Variants in SND1 observed in about 807,000 individuals in gnomAD.
SND1 encodes the protein staphylococcal nuclease domain-containing protein 1.
A neutral mutation model predicts 121.7 loss-of-function variants in SND1; 38 were observed. The ratio of observed to expected loss-of-function variants is 0.31; its 90% CI spans 0.24 to 0.41. The LOEUF is 0.41. Among genes scored for constraint, SND1 ranks in the 10% least tolerant of loss-of-function variants. The probability of loss-of-function intolerance (pLI) is 1.00; values close to 1 mark genes in which losing one functional copy is unlikely to be tolerated. For synonymous variants in SND1, 401 were observed against 447.4 expected (o/e 0.90, Z 1.31); for missense variants, 868 against 1,184.6 (o/e 0.73, Z 3.92).
intron 16 of SND1, among the ~76,000 whole-genome samples, chr7:128,009,284 GCA>G (rs1469983114): frequency 6.6e-6 from 1 of 152,232 alleles, no homozygotes; most frequent in Non-Finnish European, 1.5e-5. Flanking sequence ...TGAGCCTGGT[GCA>G]CTGGCGGATT....
At chr7:128,074,225 G>GCTCT (rs141914844) in intron 16 of SND1, among the ~76,000 whole-genome samples, 6 of 150,020 alleles carry the variant, frequency 4.0e-5, no homozygotes, top group Admixed American at 2.0e-4. Flanking sequence ...CTTCAGCTGC[G>GCTCT]CTCTCTCTCT....
intron 10 of SND1, among the ~76,000 whole-genome samples, chr7:127,730,909 A>G (rs1438744624): frequency 2.0e-5 from 3 of 152,238 alleles, no homozygotes; most frequent in Non-Finnish European, 1.5e-5. Context: ...CCTCATCACT[A>G]CTGGGAACGC....
intron 11 of SND1, among the ~76,000 whole-genome samples, chr7:127,815,618 G>A (rs971975072): frequency 1.3e-5 from 2 of 152,142 alleles, no homozygotes. Context: ...TTAGCTACAA[G>A]CCAGGAAATG....
At chr7:127,969,397 G>T (rs887583717) in intron 15 of SND1, among the ~76,000 whole-genome samples, 1 of 152,072 alleles carries the variant, frequency 6.6e-6, no homozygotes, top group Non-Finnish European at 1.5e-5. Flanking sequence ...GGCTCCATTC[G>T]CTCGTATACA....
At chr7:127,776,059 TA>T (rs1797615036) in intron 10 of SND1, among the ~76,000 whole-genome samples, 1 of 152,200 alleles carries the variant, frequency 6.6e-6, no homozygotes. Flanking sequence ...ACTTCTGCAC[TA>T]AACAACACTG....
At chr7:127,916,177 C>T (rs1349804879) in intron 14 of SND1, among the ~76,000 whole-genome samples, 1 of 151,920 alleles carries the variant, frequency 6.6e-6, no homozygotes, top group Non-Finnish European at 1.5e-5. Context: ...TGCAGTTCAC[C>T]TGGTGATTGC....
intron 15 of SND1, among the ~76,000 whole-genome samples, chr7:127,939,719 C>T (rs927319240): frequency 1.3e-5 from 2 of 152,034 alleles, no homozygotes; most frequent in African/African-American, 4.8e-5. Flanking sequence ...GGTGTGGCCT[C>T]CTGATTGGGG....
chr7:127,986,730 G>T (rs1321415039), intron 15 of SND1, among the ~76,000 whole-genome samples: 1 of 152,242 alleles, frequency 6.6e-6, no homozygotes, highest in Non-Finnish European at 1.5e-5. Context: ...AAGAGGTCAG[G>T]AGCAGCAGCC....
intron 10 of SND1, among the ~76,000 whole-genome samples, chr7:127,743,242 C>T (rs780106415): frequency 6.6e-6 from 1 of 152,170 alleles, no homozygotes; most frequent in African/African-American, 2.4e-5. Context: ...AGGTGTTGGT[C>T]ATTAGGTACA....
At chr7:128,084,887 A>G in intron 19 of SND1, 40 bp downstream of exon 19, 2 of 1,567,248 alleles carry the variant, frequency 1.3e-6, no homozygotes, top group Non-Finnish European at 1.7e-6. Context: ...CTTGAGCAGG[A>G]ACGATAGCAG....
At chr7:127,857,836 C>T in intron 12 of SND1, 1 of 984,348 alleles carries the variant, frequency 1.0e-6, no homozygotes, top group Admixed American at 1.7e-5. Flanking sequence ...CAAACTAGGT[C>T]CCCAGCAGTC....
At chr7:127,970,798 A>G (rs1179411922) in intron 15 of SND1, among the ~76,000 whole-genome samples, 1 of 151,996 alleles carries the variant, frequency 6.6e-6, no homozygotes, top group Non-Finnish European at 1.5e-5. Flanking sequence ...CAATGCCTTC[A>G]CCTCAGCTGT....
Position 127,756,778 on chromosome 7 carries a change from C to T in SND1, c.1152+35378C>T, listed in dbSNP as rs1435829644. ...TTAAGAGGTAGAATTGCCAGATGGCCACCAGGAATAATTTGCATATATTTG... is the reference window on the plus strand; with the variant it reads ...TTAAGAGGTAGAATTGCCAGATGGCTACCAGGAATAATTTGCATATATTTG... On this transcript the variant is annotated intron_variant, in intron 10 of 23. Transcript: ENST00000354725. 6.6e-5 allele frequency among the ~76,000 whole-genome samples: 10 copies of T among 152,270 alleles called. No individual in the cohort carries two copies. In the East Asian group the frequency reaches 1.9e-3, roughly 29 times the overall value.
chr7:127,674,921 G>A (rs1795589925), intron 1 of SND1, among the ~76,000 whole-genome samples: 1 of 152,176 alleles, frequency 6.6e-6, no homozygotes, highest in Non-Finnish European at 1.5e-5. Context: ...CTTTATTTTG[G>A]CCGGGTGCAG....
At chr7:127,739,343 T>A (rs1796834736) in intron 10 of SND1, among the ~76,000 whole-genome samples, 1 of 152,238 alleles carries the variant, frequency 6.6e-6, no homozygotes, top group Non-Finnish European at 1.5e-5. Context: ...TTACTGTCCT[T>A]TTACTGATTA....
chr7:127,774,477 C>A (rs896892076), intron 10 of SND1, among the ~76,000 whole-genome samples: 1 of 152,156 alleles, frequency 6.6e-6, no homozygotes, highest in Non-Finnish European at 1.5e-5. Context: ...GTTCACTCAC[C>A]GCTGTCTCAC....
At chr7:127,798,425 T>G (rs978837505) in intron 10 of SND1, among the ~76,000 whole-genome samples, 1 of 152,202 alleles carries the variant, frequency 6.6e-6, no homozygotes, top group African/African-American at 2.4e-5. Context: ...CTGTCTTAGA[T>G]TCTCAGATCC....
At position 127,721,331 on chromosome 7, in the gene SND1, C is replaced by T; in HGVS notation, c.1083C>T (p.Asn361=). The part of the protein sequence containing the change: ...LNADAIVVKL[N]SGDYKTIHLS... ...CTGATGCCATTGTTGTGAAGCTGAA[C>T]TCAGGCGATTACAAGACGATTCACC... The change falls in exon 10 of 24, where the codon AAC becomes AAT. Residue 361 remains asparagine (N), a synonymous_variant. Transcript: ENST00000354725. 6.2e-7 allele frequency: 1 copy of T among 1,613,686 alleles called. No homozygotes were observed.
chr7:127,683,000 A>G (rs537636786), intron 1 of SND1, among the ~76,000 whole-genome samples: 25 of 152,312 alleles, frequency 1.6e-4, no homozygotes, highest in Admixed American at 1.1e-3. Context: ...GGCCTTTTTC[A>G]TATTTTACCC....
Sources: gnomAD v4.1 joint callset for allele counts (sites outside exome capture counted in the v4.1 genomes callset) on GRCh38, gnomAD v4.1.1 for gene constraint, MANE v1.5 for transcripts, NCBI Gene and HGNC (gene_info 2026-07-23, HGNC 2026-07-21) for gene names.